The following PRIM2 variants were observed in gnomAD, a reference collection of about 807,000 sequenced individuals.
PRIM2 encodes DNA primase large subunit.
In PRIM2, 39 loss-of-function variants were observed where a neutral mutation model predicts 67.3. That is an observed-to-expected ratio of 0.58 (90% CI 0.45 to 0.76). The LOEUF is 0.76. Ranked by LOEUF, PRIM2 falls within the 30% of genes least tolerant of loss-of-function variation. The pLI is 0.00. For missense variants in PRIM2, 398 were observed against 598.7 expected (o/e 0.66, Z 3.50); for synonymous variants, 143 against 198.7 (o/e 0.72, Z 2.36).
intron 13 of PRIM2, among the ~76,000 whole-genome samples, chr6:57,638,853 C>G (rs1171903621): frequency 6.6e-5 from 10 of 152,082 alleles, no homozygotes; most frequent in Admixed American, 1.3e-4. Context: ...ATCAACGAGA[C>G]AGAAAATTAA....
At chr6:57,460,616 TAAA>T (rs10667805) in intron 7 of PRIM2, among the ~76,000 whole-genome samples, 7 of 129,708 alleles carry the variant, frequency 5.4e-5, no homozygotes, top group Non-Finnish European at 1.0e-4. Flanking sequence ...CATCCTGATT[TAAA>T]AAAAAAAAAA....
intron 7 of PRIM2, among the ~76,000 whole-genome samples, chr6:57,506,053 A>G (rs2127459259): frequency 6.6e-6 from 1 of 151,702 alleles, no homozygotes; most frequent in South Asian, 2.1e-4. Context: ...TTTTGTTTAT[A>G]GAATTTGATA....
chr6:57,643,795 A>C (rs1777288293), intron 13 of PRIM2, among the ~76,000 whole-genome samples: 1 of 152,222 alleles, frequency 6.6e-6, no homozygotes, highest in Non-Finnish European at 1.5e-5. Context: ...ATTTGTTCTT[A>C]ATGATCTATA....
At chr6:57,416,111 T>C (rs1405203077) in intron 7 of PRIM2, among the ~76,000 whole-genome samples, 1 of 152,202 alleles carries the variant, frequency 6.6e-6, no homozygotes, top group Non-Finnish European at 1.5e-5. Context: ...GAGGAATCGC[T>C]ATCTATAGTA....
the PRIM2 span, among the ~76,000 whole-genome samples, chr6:57,290,247 A>G: frequency 5.3e-4 from 80 of 152,350 alleles, no homozygotes; most frequent in East Asian, 0.014. Context: ...AAAGATCAAA[A>G]GAGACAAAGA....
At chr6:57,237,349 C>G in the PRIM2 span, among the ~76,000 whole-genome samples, 4 of 152,294 alleles carry the variant, frequency 2.6e-5, no homozygotes, top group Admixed American at 2.6e-4. Context: ...CAAAAATTTT[C>G]TCCCATTCTG....
At position 57,645,939 on chromosome 6, in the gene PRIM2, T is replaced by G; in HGVS notation, c.1311T>G (p.Cys437Trp). Reference protein sequence around the residue: ...YFEMIHNVDDCGFSLNHPNQF... With the variant: ...YFEMIHNVDDWGFSLNHPNQF... ...TCCTTCCTTTACAGGTGGATGATTG[T>G]GGCTTTTCTTTGAATCATCCTAATC... Residue 437 changes from cysteine (C) to tryptophan (W), a missense_variant, in exon 14 of 14, where the codon TGT (cysteine) becomes TGG (tryptophan). Around this residue, in one of 4 missense-constraint regions of PRIM2, gnomAD observed 72 missense variants for 89.4 expected, o/e 0.81. Coordinates refer to ENST00000615550, the MANE Select transcript of PRIM2 (RefSeq NM_000947.5). 1 of 1,570,090 alleles carries G rather than the reference T, an allele frequency of 6.4e-7. No individual in the cohort carries two copies. The highest frequency in any genetic ancestry group is 8.8e-7 in the Non-Finnish European group (1 of 1,140,952).
chr6:57,377,901 G>C (rs1421960558), intron 5 of PRIM2, among the ~76,000 whole-genome samples: 1 of 151,914 alleles, frequency 6.6e-6, no homozygotes, highest in African/African-American at 2.4e-5. Flanking sequence ...CTTGATTTTA[G>C]GTCTTAGGGC....
intron 7 of PRIM2, among the ~76,000 whole-genome samples, chr6:57,442,406 A>G (rs1017865499): frequency 2.0e-5 from 3 of 151,952 alleles, no homozygotes; most frequent in African/African-American, 7.3e-5. Flanking sequence ...ATTAATAGGA[A>G]TATGTGCTAT....
upstream of PRIM2, among the ~76,000 whole-genome samples, chr6:57,310,539 T>C (rs1383031301): frequency 3.9e-5 from 6 of 152,284 alleles, no homozygotes; most frequent in Non-Finnish European, 8.8e-5. Flanking sequence ...ATCGTCATCA[T>C]GGCCCGTTCT....
chr6:57,230,065 A>C, the PRIM2 span, among the ~76,000 whole-genome samples: 1 of 152,334 alleles, frequency 6.6e-6, no homozygotes, highest in Non-Finnish European at 1.5e-5. Context: ...CAGCATTTAA[A>C]TTCTCAGCTT....
At position 57,606,435 on chromosome 6, in the gene PRIM2, T is replaced by A; in HGVS notation, c.1208T>A (p.Ile403Asn). ...LLKQKLQSYK[I>N]SPGGISQILD... ...AAGCAAAAGTTGCAGTCATACAAGATCTCTCCTGGAGGGATAAGCCAGGTA... is the reference window on the plus strand; with the variant it reads ...AAGCAAAAGTTGCAGTCATACAAGAACTCTCCTGGAGGGATAAGCCAGGTA... Residue 403 changes from isoleucine (I) to asparagine (N), a missense_variant, in exon 12 of 14, where the codon ATC (isoleucine) becomes AAC (asparagine). Physicochemically the swap from Ile to Asn is moderately radical, Grantham distance 149. Coordinates refer to ENST00000615550, the MANE Select transcript of PRIM2 (RefSeq NM_000947.5). 3 of 1,595,534 alleles carry A rather than the reference T, an allele frequency of 1.9e-6. No individual in the cohort carries two copies. Among genetic ancestry groups the A allele is most frequent in the Admixed American group, 1.7e-5 (1 of 58,350 alleles).
the PRIM2 span, among the ~76,000 whole-genome samples, chr6:57,239,443 A>T: frequency 2.0e-5 from 3 of 151,950 alleles, no homozygotes; most frequent in Non-Finnish European, 2.9e-5. Context: ...ATTTTGTAAG[A>T]ATTTGTTTAG....
chr6:57,279,663 TA>T, the PRIM2 span, among the ~76,000 whole-genome samples: 1 of 152,106 alleles, frequency 6.6e-6, no homozygotes, highest in African/African-American at 2.4e-5. Flanking sequence ...TTAGTCTCAT[TA>T]AAAAGTGGTG....
intron 10 of PRIM2, among the ~76,000 whole-genome samples, chr6:57,555,245 G>C (rs1775488367): frequency 6.6e-6 from 1 of 152,108 alleles, no homozygotes; most frequent in Admixed American, 6.6e-5. Context: ...CCTTTATTAA[G>C]TCCTGCAGTA....
At chr6:57,391,263 A>G (rs1770335770) in intron 7 of PRIM2, among the ~76,000 whole-genome samples, 1 of 147,294 alleles carries the variant, frequency 6.8e-6, no homozygotes. Context: ...TAAATTCCTT[A>G]TAGATGTTGA....
chr6:57,611,439 ACAGAATAGAG>A (rs1442570857), intron 12 of PRIM2, among the ~76,000 whole-genome samples: 4 of 152,290 alleles, frequency 2.6e-5, no homozygotes, highest in Non-Finnish European at 5.9e-5. Flanking sequence ...GATTAATTGG[ACAGAATAGAG>A]TTCAGAAATA....
chr6:57,454,752 T>A (rs1454754243), intron 7 of PRIM2, among the ~76,000 whole-genome samples: 1 of 152,192 alleles, frequency 6.6e-6, no homozygotes, highest in African/African-American at 2.4e-5. Flanking sequence ...GATTCATTGA[T>A]TTTTTGAAGG....
intron 9 of PRIM2, among the ~76,000 whole-genome samples, chr6:57,533,608 GTCC>G (rs1774936987): frequency 6.6e-6 from 1 of 152,158 alleles, no homozygotes; most frequent in Non-Finnish European, 1.5e-5. Context: ...ATCTCTAACA[GTCC>G]ACTTTCTCAC....
Sources: allele counts gnomAD v4.1 joint callset (sites outside exome capture counted in the v4.1 genomes callset), GRCh38; gene constraint gnomAD v4.1.1; regional missense constraint gnomAD v4.1.1; transcripts MANE v1.5; gene names NCBI Gene and HGNC (gene_info 2026-07-23, HGNC 2026-07-21).